The following SLC7A8 variants were observed in gnomAD, a reference collection of about 807,000 sequenced individuals.
SLC7A8 encodes large neutral amino acids transporter small subunit 2.
SLC7A8 carries 30 observed loss-of-function variants against 51.2 expected under a neutral mutation model. The observed-to-expected ratio is 0.59, with a 90% CI of 0.44 to 0.80. The LOEUF (loss-of-function observed/expected upper bound fraction) is 0.80. Ranked by LOEUF, SLC7A8 falls within the 30% of genes least tolerant of loss-of-function variation. SLC7A8 has a pLI of 0.00. For missense variants in SLC7A8, 612 were observed against 674.4 expected, an observed-to-expected ratio of 0.91 and a Z score of 1.03; for synonymous variants, 257 against 275.8, an observed-to-expected ratio of 0.93 and a Z score of 0.67.
At chr14:23,140,299 G>A (rs548346332) in intron 5 of SLC7A8, among the ~76,000 whole-genome samples, 172 bp downstream of exon 5, 3 of 152,124 alleles carry the variant, frequency 2.0e-5, no homozygotes, top group Non-Finnish European at 2.9e-5. Context: ...TGGGGTGAAC[G>A]GCAAATGGTT....
intron 2 of SLC7A8, 78 bp downstream of exon 2, chr14:23,166,258 C>G: frequency 6.5e-7 from 1 of 1,531,742 alleles, no homozygotes; most frequent in Non-Finnish European, 8.9e-7. Flanking sequence ...CTGGCCTTGG[C>G]TTTTTCCAAT....
intron 1 of SLC7A8, among the ~76,000 whole-genome samples, chr14:23,171,821 T>C (rs2048976508): frequency 6.6e-6 from 1 of 152,238 alleles, no homozygotes; most frequent in Non-Finnish European, 1.5e-5. Context: ...CCTCTCACCC[T>C]GTTTACACTT....
chr14:23,156,997 C>T (rs1174698934), intron 3 of SLC7A8, among the ~76,000 whole-genome samples: 1 of 152,218 alleles, frequency 6.6e-6, no homozygotes, highest in Admixed American at 6.5e-5. Flanking sequence ...AACTTACTTA[C>T]TCTGCCATTG....
At position 23,128,798 on chromosome 14, in the gene SLC7A8, G is replaced by A. The variant is rs564732515; in HGVS notation, c.1264-602C>T. Among the ~76,000 whole-genome samples, 3 of 152,158 alleles carry A rather than the reference G, an allele frequency of 2.0e-5. No individual in the cohort carries two copies. Among genetic ancestry groups the A allele is most frequent in the Non-Finnish European group, 4.4e-5 (3 of 68,024 alleles). On this transcript the variant is annotated intron_variant, in intron 9 of 10. Transcript: ENST00000316902. This position sits in a 1 kb window ranked among gnomAD's most constrained non-coding sequence, Gnocchi z 4.3. Reference sequence around the variant, plus strand: ...TGCCTTTCTCTTCCTTGTCTTCCTCGCTCAGAAGGGATGTGTGTGGTGGGG... The same window carrying A: ...TGCCTTTCTCTTCCTTGTCTTCCTCACTCAGAAGGGATGTGTGTGGTGGGG...
In SLC7A8 at chr14:23,166,550, G is replaced by A. The variant is rs747619951; in HGVS notation, c.152-10C>T. 1 of 1,613,788 alleles carries A rather than the reference G, an allele frequency of 6.2e-7. No homozygotes were observed. Among genetic ancestry groups the A allele is most frequent in the South Asian group, 1.1e-5 (1 of 91,076 alleles). On this transcript the variant is annotated splice_polypyrimidine_tract_variant and intron_variant, in intron 1 of 10. Coordinates refer to ENST00000316902, the MANE Select transcript of SLC7A8 (RefSeq NM_012244.4). ...GAGCCGATGATGTTCCCTGCATGAG[G>A]CACCAAGGGTAAGGAGGGGAGACAG...
At chr14:23,167,775 G>C (rs1206549589) in intron 1 of SLC7A8, among the ~76,000 whole-genome samples, 3 of 152,180 alleles carry the variant, frequency 2.0e-5, no homozygotes, top group Non-Finnish European at 2.9e-5. Flanking sequence ...GGCAGAGCTA[G>C]AGTATCCTGA....
intron 3 of SLC7A8, chr14:23,155,350 C>A (rs752293397): frequency 1.3e-6 from 2 of 1,524,704 alleles, no homozygotes; most frequent in East Asian, 2.5e-5. Flanking sequence ...CCTGCCCATA[C>A]TGCCCCATCC....
intron 1 of SLC7A8, among the ~76,000 whole-genome samples, chr14:23,167,563 T>C (rs1490934245): frequency 1.3e-5 from 2 of 151,968 alleles, no homozygotes; most frequent in Non-Finnish European, 2.9e-5. Flanking sequence ...CTGGGTTGTG[T>C]GTTACGCAGA....
intron 7 of SLC7A8, among the ~76,000 whole-genome samples, chr14:23,132,657 C>T (rs1371297580): frequency 2.1e-5 from 3 of 145,396 alleles, no homozygotes; most frequent in African/African-American, 7.7e-5. Flanking sequence ...TTTTTTGAGA[C>T]GGAGTTTCAC....
intron 3 of SLC7A8, among the ~76,000 whole-genome samples, chr14:23,146,148 G>A (rs2048791883): frequency 6.6e-6 from 1 of 152,126 alleles, no homozygotes; most frequent in African/African-American, 2.4e-5. Flanking sequence ...AGGAATTCAG[G>A]CAGACACAGC....
In SLC7A8 at chr14:23,126,473, T is replaced by G. The variant is rs1438638205; in HGVS notation, c.*704A>C. 2 of 153,240 alleles carry G rather than the reference T, an allele frequency of 1.3e-5. No homozygotes were observed. The highest frequency in any genetic ancestry group is 3.9e-4 in the East Asian group (2 of 5,192). The allele number at this position is 153,240 out of a possible 1,614,324, so 9.5% of individuals were successfully genotyped here. A position where few individuals can be genotyped will look rare whatever the true frequency, so the allele number is the denominator to read the frequency against. The stretch of plus-strand genomic sequence containing the variant: ...CTTTGGCACCATGTTGGGGGCTGGA[T>G]GCAGGAGGCAGGGGCAGGGCTGGGT... On this transcript the variant is annotated 3_prime_UTR_variant, in exon 11 of 11. Transcript: ENST00000316902.
intron 10 of SLC7A8, 80 bp from the exon 11 acceptor site, chr14:23,127,423 G>T: frequency 6.6e-7 from 1 of 1,522,524 alleles, no homozygotes; most frequent in Non-Finnish European, 9.0e-7. Context: ...GCCCTTCCTG[G>T]CTCTCCTGCT....
At chr14:23,148,234 AT>A (rs149374739) in intron 3 of SLC7A8, among the ~76,000 whole-genome samples, 3 of 150,348 alleles carry the variant, frequency 2.0e-5, no homozygotes, top group African/African-American at 4.9e-5. Flanking sequence ...TAAGTTAAGG[AT>A]TTTTTTTTTG....
intron 7 of SLC7A8, among the ~76,000 whole-genome samples, chr14:23,136,501 C>A (rs905567556): frequency 3.9e-5 from 6 of 152,176 alleles, no homozygotes; most frequent in African/African-American, 1.2e-4. Context: ...CATCCACACA[C>A]TCTGACTCTT....
Position 23,158,278 on chromosome 14 carries a change from G to A in SLC7A8, c.508+7007C>T, listed in dbSNP as rs77355022. 3.9e-5 allele frequency among the ~76,000 whole-genome samples: 6 copies of A among 152,320 alleles called. No homozygotes were observed. The East Asian group carries it at 1.2e-3, about 29-fold the overall frequency. On this transcript the variant is annotated intron_variant, in intron 3 of 10. Coordinates refer to ENST00000316902, the MANE Select transcript of SLC7A8 (RefSeq NM_012244.4). Reference sequence around the variant, plus strand: ...TCTAGAGCAGGCAAAATTTTGAGCAGGATCCTGGGAGCACCACCCTGGGGA... The same window carrying A: ...TCTAGAGCAGGCAAAATTTTGAGCAAGATCCTGGGAGCACCACCCTGGGGA...
In SLC7A8 at chr14:23,128,247, C is replaced by A. The variant is rs769154476; in HGVS notation, c.1264-51G>T. On this transcript the variant is annotated intron_variant, in intron 9 of 10. Transcript: ENST00000316902. This position sits in a 1 kb window ranked among gnomAD's most constrained non-coding sequence, Gnocchi z 4.3. ...TGAACTGTGTAGGCCACGTGGCCCC[C>A]AGGACTAGGGACTGGGGCATTCTCT... 3 of 1,606,872 alleles carry A rather than the reference C, an allele frequency of 1.9e-6. No individual in the cohort carries two copies. In the South Asian group the frequency reaches 3.3e-5, roughly 18 times the overall value.
At chr14:23,162,678 GTTC>G in intron 3 of SLC7A8, among the ~76,000 whole-genome samples, 1 of 152,152 alleles carries the variant, frequency 6.6e-6, no homozygotes, top group East Asian at 1.9e-4. Flanking sequence ...GGCAGGTGGC[GTTC>G]TTATCTCCTA....
chr14:23,161,300 G>A (rs1209179392), intron 3 of SLC7A8, among the ~76,000 whole-genome samples: 1 of 151,858 alleles, frequency 6.6e-6, no homozygotes, highest in South Asian at 2.1e-4. Context: ...CCTCGCCACG[G>A]GCTTTACCAC....
Position 23,182,795 on chromosome 14 carries a change from G to A in SLC7A8, c.120C>T (p.Ile40=), listed in dbSNP as rs1884545. ...GGGGVALKKE[I]GLVSACGIIV... Reference sequence around the variant, plus strand: ...TGATACCACAGGCACTGACCAATCCGATCTCTTTCTTCAGGGCTACTCCGC... The same window carrying A: ...TGATACCACAGGCACTGACCAATCCAATCTCTTTCTTCAGGGCTACTCCGC... The change falls in exon 1 of 11, where the codon ATC becomes ATT. Residue 40 remains isoleucine (I), a synonymous_variant. Coordinates refer to ENST00000316902, the MANE Select transcript of SLC7A8 (RefSeq NM_012244.4). 186,535 of 1,608,194 alleles carry A rather than the reference G, an allele frequency of 0.12. 11,737 individuals are homozygous for A. Among genetic ancestry groups the A allele is most frequent in the Non-Finnish European group, 0.13 (153,641 of 1,177,660 alleles).
Sources: gnomAD v4.1 joint callset for allele counts (sites outside exome capture counted in the v4.1 genomes callset) on GRCh38, gnomAD v4.1.1 for gene constraint, Gnocchi (gnomAD v3.1) non-coding constraint, MANE v1.5 for transcripts, NCBI Gene and HGNC (gene_info 2026-07-23, HGNC 2026-07-21) for gene names.